The following NKAIN4 variants were observed in gnomAD, a reference collection of about 807,000 sequenced individuals.
NKAIN4 encodes sodium/potassium transporting ATPase interacting 4.
A neutral mutation model predicts 28.8 loss-of-function variants in NKAIN4; 28 were observed. The observed-to-expected ratio is 0.97, with a 90% CI of 0.72 to 1.33. The LOEUF (loss-of-function observed/expected upper bound fraction) is 1.33. Among genes scored for constraint, NKAIN4 ranks in the 40% most tolerant of loss-of-function variants. NKAIN4 has a pLI of 0.00. For synonymous variants in NKAIN4, 122 were observed against 115.6 expected, an observed-to-expected ratio of 1.06 and a Z score of -0.36; for missense variants, 289 against 277.2, an observed-to-expected ratio of 1.04 and a Z score of -0.30.
At chr20:63,254,249 G>T in intron 1 of NKAIN4, 148 bp downstream of exon 1, 1 of 599,846 alleles carries the variant, frequency 1.7e-6, no homozygotes, top group Non-Finnish European at 2.5e-6. Context: ...TTCGGCCGTA[G>T]CAGCCCGGGG....
At chr20:63,254,097 G>T (rs1177791558) in intron 1 of NKAIN4, 5 of 416,568 alleles carry the variant, frequency 1.2e-5, no homozygotes, top group South Asian at 2.2e-5. Context: ...GGCCCCGCCC[G>T]AAGGCTTCCG....
At position 63,248,884 on chromosome 20, in the gene NKAIN4, C is replaced by G; in HGVS notation, c.204G>C (p.Trp68Cys). The G allele has an allele frequency of 6.2e-7, 1 of 1,612,318 alleles. No individual in the cohort carries two copies. Among genetic ancestry groups the G allele is most frequent in the East Asian group, 2.2e-5 (1 of 44,878 alleles). Reference protein sequence around the residue: ...RLRYVMVYTLWAAVWVTWNVF... With the variant: ...RLRYVMVYTLCAAVWVTWNVF... Reference sequence around the variant, plus strand: ...CGTTCCAGGTGACCCAGACGGCTGCCCACAGCGTGTACTAGGGAGAGGAGA... The same window carrying G: ...CGTTCCAGGTGACCCAGACGGCTGCGCACAGCGTGTACTAGGGAGAGGAGA... Residue 68 changes from tryptophan (W) to cysteine (C), a missense_variant, in exon 3 of 7, where the codon TGG (tryptophan) becomes TGC (cysteine). By Grantham distance (215) the Trp-to-Cys change is radical. Transcript: ENST00000370316.
chr20:63,242,425 A>G (rs2123049385), intron 6 of NKAIN4, 114 bp downstream of exon 6: 5 of 759,404 alleles, frequency 6.6e-6, no homozygotes, highest in South Asian at 5.7e-5. Flanking sequence ...GGACGGATGG[A>G]TGGCAGAACG....
intron 2 of NKAIN4, 108 bp from the exon 3 acceptor site, chr20:63,249,003 C>T (rs1186861689): frequency 1.7e-5 from 13 of 757,016 alleles, no homozygotes; most frequent in South Asian, 2.9e-5. Flanking sequence ...GAGGGGCGGC[C>T]TCTGCTCCTG....
intron 5 of NKAIN4, among the ~76,000 whole-genome samples, chr20:63,243,045 G>A (rs932028357): frequency 1.1e-4 from 17 of 152,224 alleles, no homozygotes; most frequent in South Asian, 2.1e-4. Flanking sequence ...TGTTCAGACC[G>A]ATGGCTTCCT....
Position 63,247,598 on chromosome 20 carries a change from A to C in NKAIN4, c.451T>G (p.Cys151Gly), listed in dbSNP as rs872808. The C allele has an allele frequency of 0.39, 602,752 of 1,544,728 alleles. 119,522 individuals carry two copies. The highest frequency in any genetic ancestry group is 0.55 in the East Asian group (22,326 of 40,772). Reference sequence around the variant, plus strand: ...CTCACCGCGATCAGGATCTGCAGGCAACTGTGTAGGGCCTCCACATAGCTG... The same window carrying C: ...CTCACCGCGATCAGGATCTGCAGGCCACTGTGTAGGGCCTCCACATAGCTG... ...EPSYVEALHSCLQILIALLGF... is the reference protein window; with the variant it reads ...EPSYVEALHSGLQILIALLGF... The change falls in exon 4 of 7, where the codon TGC becomes GGC. Residue 151 changes from cysteine to glycine, a missense_variant. Cys to Gly is a radical substitution (Grantham distance 159). Transcript: ENST00000370316.
intron 6 of NKAIN4, 38 bp downstream of exon 6, chr20:63,242,501 A>T (rs1370847467): frequency 6.7e-7 from 1 of 1,491,764 alleles, no homozygotes. Flanking sequence ...CAGATTGGCC[A>T]GGCTGGCCGC....
chr20:63,248,900 G>C lies in NKAIN4; in HGVS notation c.193-5C>G. 6.2e-7 allele frequency: 1 copy of C among 1,607,096 alleles called. No individual in the cohort carries two copies. Among genetic ancestry groups the C allele is most frequent in the Non-Finnish European group, 8.5e-7 (1 of 1,174,888 alleles). ...GACGGCTGCCCACAGCGTGTACTAG[G>C]GAGAGGAGAGGATGGGGCGGCAGCT... is the stretch of plus-strand genomic sequence containing the variant. On this transcript the variant is annotated splice_region_variant and splice_polypyrimidine_tract_variant and intron_variant, in intron 2 of 6. Transcript: ENST00000370316.
intron 6 of NKAIN4, 56 bp from the exon 7 acceptor site, chr20:63,241,562 G>T: frequency 2.0e-6 from 3 of 1,468,522 alleles, no homozygotes; most frequent in Non-Finnish European, 2.8e-6. Flanking sequence ...CAGCCACTGG[G>T]GGCTGCCACC....
chr20:63,251,301 G>A (rs564754486), intron 1 of NKAIN4, among the ~76,000 whole-genome samples: 74 of 152,344 alleles, frequency 4.9e-4, no homozygotes, highest in Admixed American at 1.2e-3. Flanking sequence ...GACTAGGAGC[G>A]TGACCACTGA....
At chr20:63,246,725 C>T in intron 4 of NKAIN4, 1 of 985,476 alleles carries the variant, frequency 1.0e-6, no homozygotes, top group Non-Finnish European at 1.2e-6. Flanking sequence ...AGCCGTGCTG[C>T]AGTCACATTG....
chr20:63,246,791 C>T (rs982222274), intron 4 of NKAIN4: 9 of 985,364 alleles, frequency 9.1e-6, no homozygotes, highest in African/African-American at 1.7e-5. Context: ...TCCACACACC[C>T]GCCTCAGCTT....
intron 6 of NKAIN4, 130 bp downstream of exon 6, chr20:63,242,405 GTGGA>G (rs564396190): frequency 1.4e-6 from 1 of 727,994 alleles, no homozygotes; most frequent in Non-Finnish European, 2.5e-6. Flanking sequence ...AAAAGTGAGA[GTGGA>G]TGGATGGACG....
In NKAIN4 at chr20:63,247,720, C is replaced by T. The variant is rs76984019; in HGVS notation, c.329G>A (p.Arg110His). The T allele has an allele frequency of 3.2e-5, 48 of 1,506,656 alleles. 1 individual carries two copies. The South Asian group carries it at 3.8e-4, about 12-fold the overall frequency. 93.3% of individuals were successfully genotyped at this position (1,506,656 alleles called of 1,614,324 possible). A position where few individuals can be genotyped will look rare whatever the true frequency, so the allele number is the denominator to read the frequency against. ...LSRHRSWWRE[R>H]WPGCLHEEVP... ...CTCCTCATGCAGACAGCCTGGCCAG[C>T]GCTCACGCCACCAGGAGCGATGCCG... The change falls in exon 4 of 7, where the codon CGC becomes CAC. Residue 110 changes from arginine (R) to histidine (H), a missense_variant. Coordinates refer to ENST00000370316, the MANE Select transcript of NKAIN4 (RefSeq NM_152864.4).
At chr20:63,244,437 A>G in intron 4 of NKAIN4, 1 of 496,514 alleles carries the variant, frequency 2.0e-6, no homozygotes. Flanking sequence ...AGGCCAGCAC[A>G]GTCCCAGCCC....
chr20:63,252,934 C>T lies in NKAIN4; in HGVS notation c.54+1463G>A, dbSNP rs1488907642. 6.6e-6 allele frequency among the ~76,000 whole-genome samples: 1 copy of T among 152,164 alleles called. No individual in the cohort carries two copies. The highest frequency in any genetic ancestry group is 1.5e-5 in the Non-Finnish European group (1 of 68,040). ...AAGCACCCATTTCTCCTGCCCAAACCCCAGCACCATCAACCCCAGCACATC... is the reference window on the plus strand; with the variant it reads ...AAGCACCCATTTCTCCTGCCCAAACTCCAGCACCATCAACCCCAGCACATC... On this transcript the variant is annotated intron_variant, in intron 1 of 6. Transcript: ENST00000370316. The surrounding 1 kb of genome is among the most constrained non-coding windows in gnomAD (Gnocchi z 4.6).
At chr20:63,246,616 C>A in intron 4 of NKAIN4, 1 of 985,310 alleles carries the variant, frequency 1.0e-6, no homozygotes, top group Non-Finnish European at 1.2e-6. Context: ...CTCCTGGAAG[C>A]CCCAGGTCCA....
rs150221074 is a variant in NKAIN4 at position 63,245,990 on chromosome 20, T to C, written c.471+1588A>G. On this transcript the variant is annotated intron_variant, in intron 4 of 6. Transcript: ENST00000370316. This position sits in a 1 kb window ranked among gnomAD's most constrained non-coding sequence, Gnocchi z 4.7. ...TCACCCAGGCTGGAGTGCAGTGGCG[T>C]GATCTCTGCTCACTGCAAGCTCTGC... Among the ~76,000 whole-genome samples the C allele has an allele frequency of 2.7e-4, 41 of 151,602 alleles. No individual in the cohort carries two copies. The highest frequency in any genetic ancestry group is 8.4e-4 in the South Asian group (4 of 4,786).
chr20:63,243,665 A>C (rs766405292), intron 5 of NKAIN4, among the ~76,000 whole-genome samples: 2 of 152,072 alleles, frequency 1.3e-5, no homozygotes, highest in Admixed American at 1.3e-4. Flanking sequence ...CGTCCTGGCC[A>C]TGGGCCCGGT....
Sources: gnomAD v4.1 joint callset for allele counts (sites outside exome capture counted in the v4.1 genomes callset) on GRCh38, gnomAD v4.1.1 for gene constraint, Gnocchi (gnomAD v3.1) non-coding constraint, MANE v1.5 for transcripts, NCBI Gene and HGNC (gene_info 2026-07-23, HGNC 2026-07-21) for gene names.